The following UTRN variants were observed in gnomAD, a reference collection of about 807,000 sequenced individuals.
The protein encoded by UTRN is dystrophin-related protein 1.
In UTRN, 283 loss-of-function variants were observed where a neutral mutation model predicts 463.9. The ratio of observed to expected loss-of-function variants is 0.61; its 90% confidence interval spans 0.55 to 0.67. The LOEUF (loss-of-function observed/expected upper bound fraction) is 0.67, where lower values mean the gene tolerates loss of function less well. UTRN is among the 30% of genes least tolerant of loss of function. The pLI is 0.00. For missense variants in UTRN, 3,922 were observed against 4,084.3 expected, an observed-to-expected ratio of 0.96 and a Z score of 1.08; for synonymous variants, 1,442 against 1,431.5, an observed-to-expected ratio of 1.01 and a Z score of -0.17.
intron 54 of UTRN, among the ~76,000 whole-genome samples, chr6:144,732,235 TATAC>T (rs1357035191): frequency 1.0e-3 from 34 of 33,376 alleles, no homozygotes; most frequent in South Asian, 2.9e-3. Context: ...TATATATATA[TATAC>T]ATATATATAT....
chr6:144,294,698 T>C (rs1354245854), intron 2 of UTRN, among the ~76,000 whole-genome samples: 5 of 152,178 alleles, frequency 3.3e-5, no homozygotes, highest in Admixed American at 3.3e-4. Context: ...TAAATTGGCA[T>C]AATAAAAATG....
chr6:144,358,163 A>G (rs1778736502), intron 2 of UTRN, among the ~76,000 whole-genome samples: 1 of 152,260 alleles, frequency 6.6e-6, no homozygotes, highest in Admixed American at 6.5e-5. Flanking sequence ...AGAAACGTTC[A>G]GTAAATGTTG....
At chr6:144,583,716 T>C in intron 51 of UTRN, 1 of 451,124 alleles carries the variant, frequency 2.2e-6, no homozygotes, top group Non-Finnish European at 4.1e-6. Context: ...TCTTAGTAAC[T>C]GATTGTGAAA....
chr6:144,791,785 C>G (rs182918544), intron 62 of UTRN, among the ~76,000 whole-genome samples: 1 of 152,200 alleles, frequency 6.6e-6, no homozygotes, highest in East Asian at 1.9e-4. Context: ...GTCAAAATGT[C>G]TAAGGACACT....
intron 58 of UTRN, among the ~76,000 whole-genome samples, chr6:144,762,648 G>C (rs1483419491): frequency 6.6e-6 from 1 of 152,166 alleles, no homozygotes; most frequent in African/African-American, 2.4e-5. Context: ...CACAGTGCTT[G>C]CCAGTTGGAC....
chr6:144,422,818 C>T (rs1295153440), intron 4 of UTRN, among the ~76,000 whole-genome samples: 1 of 152,186 alleles, frequency 6.6e-6, no homozygotes, highest in Non-Finnish European at 1.5e-5. Context: ...ATTACTATCA[C>T]AGTACAGAGA....
chr6:144,848,694 G>A (rs1782228939), intron 74 of UTRN, among the ~76,000 whole-genome samples: 1 of 152,094 alleles, frequency 6.6e-6, no homozygotes, highest in African/African-American at 2.4e-5. Flanking sequence ...TAAGAAGGTT[G>A]GAGGACAGGA....
At chr6:144,592,462 C>T (rs927623406) in intron 51 of UTRN, among the ~76,000 whole-genome samples, 2 of 152,048 alleles carry the variant, frequency 1.3e-5, no homozygotes, top group Admixed American at 1.3e-4. Flanking sequence ...CTTCCACCTC[C>T]CAGGTTCAAG....
Position 144,851,581 on chromosome 6 carries a change from A to G in UTRN, c.*584A>G, listed in dbSNP as rs1410227058. 1 of 153,558 alleles carries G rather than the reference A, an allele frequency of 6.5e-6. No individual in the cohort carries two copies. The highest frequency in any genetic ancestry group is 2.4e-5 in the African/African-American group (1 of 41,456). 9.5% of individuals were successfully genotyped at this position (153,558 alleles called of 1,614,324 possible). On this transcript the variant is annotated 3_prime_UTR_variant, in exon 75 of 75. Transcript: ENST00000367545. ...TTTGGCCACATTAATAAATTCATAA[A>G]TTTCAATCAAATATCTTATATATAC...
intron 2 of UTRN, among the ~76,000 whole-genome samples, chr6:144,325,563 C>T (rs1252672865): frequency 6.6e-6 from 1 of 152,200 alleles, no homozygotes; most frequent in Non-Finnish European, 1.5e-5. Context: ...TGGACTAAGA[C>T]AGCCTCCCAT....
chr6:144,778,985 A>G (rs999054663), intron 60 of UTRN, among the ~76,000 whole-genome samples: 1 of 152,232 alleles, frequency 6.6e-6, no homozygotes, highest in Non-Finnish European at 1.5e-5. Context: ...CACTAAGACA[A>G]AGTGTCAGAG....
At chr6:144,676,114 T>G (rs1474149468) in intron 51 of UTRN, among the ~76,000 whole-genome samples, 1 of 152,010 alleles carries the variant, frequency 6.6e-6, no homozygotes, top group Non-Finnish European at 1.5e-5. Context: ...ATTTCCCAGA[T>G]AATGCATGCA....
chr6:144,499,357 C>T lies in UTRN; in HGVS notation c.4694C>T (p.Thr1565Ile), dbSNP rs148116738. The change falls in exon 34 of 75, where the codon ACT becomes ATT. Residue 1565 changes from threonine to isoleucine, a missense_variant. Physicochemically the swap from Thr to Ile is moderately conservative, Grantham distance 89 (BLOSUM62 -1). Transcript: ENST00000367545. ...SLSEWLSATE[T>I]ELVQKSTSEG... is the part of the protein sequence containing the mutation. ...TCTGAATGGCTTTCTGCTACTGAAA[C>T]TGAATTGGTACAGAAGTCCACTTCA... 2.0e-5 allele frequency: 32 copies of T among 1,613,792 alleles called. No individual in the cohort carries two copies. Among genetic ancestry groups the T allele is most frequent in the Non-Finnish European group, 2.6e-5 (31 of 1,179,876 alleles).
chr6:144,845,059 T>C (rs970270413), intron 73 of UTRN, among the ~76,000 whole-genome samples: 1 of 152,224 alleles, frequency 6.6e-6, no homozygotes, highest in African/African-American at 2.4e-5. Flanking sequence ...CATAACACTT[T>C]AGAACTCCTT....
chr6:144,681,398 C>G (rs1358131117), intron 52 of UTRN, among the ~76,000 whole-genome samples: 1 of 152,036 alleles, frequency 6.6e-6, no homozygotes, highest in Non-Finnish European at 1.5e-5. Context: ...AAGTCCCTAT[C>G]CTGAAGAGGG....
At chr6:144,421,352 A>C (rs1167881144) in intron 3 of UTRN, among the ~76,000 whole-genome samples, 1 of 152,056 alleles carries the variant, frequency 6.6e-6, no homozygotes, top group African/African-American at 2.4e-5. Context: ...AATATTCTTT[A>C]TGGGATTTAA....
intron 42 of UTRN, 54 bp from the exon 43 acceptor site, chr6:144,533,031 A>G (rs1389014572): frequency 3.0e-6 from 3 of 993,974 alleles, no homozygotes; most frequent in Non-Finnish European, 4.7e-6. Context: ...GATTCATTGC[A>G]TCAGAATCAT....
At chr6:144,831,364 G>A (rs1242112604) in intron 69 of UTRN, among the ~76,000 whole-genome samples, 5 of 152,144 alleles carry the variant, frequency 3.3e-5, no homozygotes, top group Admixed American at 6.6e-5. Flanking sequence ...AGAAGGAGAC[G>A]TAGCAATGGA....
intron 22 of UTRN, 30 bp from the exon 23 acceptor site, chr6:144,462,624 A>G (rs1479110767): frequency 1.3e-6 from 2 of 1,564,734 alleles, no homozygotes; most frequent in East Asian, 2.3e-5. Flanking sequence ...ATTTTTGTGC[A>G]TATTTTTAAT....
Sources: gnomAD v4.1 joint callset for allele counts (sites outside exome capture counted in the v4.1 genomes callset) on GRCh38, gnomAD v4.1.1 for gene constraint, MANE v1.5 for transcripts, NCBI Gene and HGNC (gene_info 2026-07-23, HGNC 2026-07-21) for gene names.